The following FLT1 variants were observed in gnomAD, a reference collection of about 807,000 sequenced individuals.
FLT1 encodes vascular endothelial growth factor receptor 1.
In FLT1, 49 loss-of-function variants were observed where a neutral mutation model predicts 156.3. The observed-to-expected ratio is 0.31, with a 90% confidence interval of 0.25 to 0.40. The LOEUF (loss-of-function observed/expected upper bound fraction) is 0.40. Among genes scored for constraint, FLT1 ranks in the 10% least tolerant of loss-of-function variants. The pLI, the probability that FLT1 is intolerant of heterozygous loss-of-function variation, is 1.00. For missense variants in FLT1, 1,322 were observed against 1,637.2 expected, an observed-to-expected ratio of 0.81 and a Z score of 3.32; for synonymous variants, 594 against 583.8, an observed-to-expected ratio of 1.02 and a Z score of -0.25.
intron 19 of FLT1, among the ~76,000 whole-genome samples, chr13:28,328,034 T>A (rs775874740): frequency 1.9e-4 from 29 of 152,110 alleles, no homozygotes; most frequent in African/African-American, 7.0e-4. Flanking sequence ...TGCCAGAGGA[T>A]CTACAGTAGG....
chr13:28,455,975 G>C lies in FLT1; in HGVS notation c.388+10928C>G, dbSNP rs116705831. 3.6e-3 allele frequency among the ~76,000 whole-genome samples: 550 copies of C among 152,330 alleles called. 3 individuals are homozygous for C. The highest frequency in any genetic ancestry group is 0.013 in the African/African-American group (533 of 41,574). On this transcript the variant is annotated intron_variant, in intron 3 of 29. Transcript: ENST00000282397. ...ATCCAGAACACTGCCAACAGCAAAT[G>C]TTGGCAAGGAGGCAGAGTGATAGGA...
At chr13:28,305,489 G>A (rs1870705808) in intron 29 of FLT1, among the ~76,000 whole-genome samples, 1 of 152,158 alleles carries the variant, frequency 6.6e-6, no homozygotes, top group African/African-American at 2.4e-5. Context: ...ACTACTGCAT[G>A]AGCCACCACA....
At chr13:28,478,175 A>T (rs1880654807) in intron 1 of FLT1, among the ~76,000 whole-genome samples, 1 of 152,206 alleles carries the variant, frequency 6.6e-6, no homozygotes, top group Non-Finnish European at 1.5e-5. Context: ...TCTCTAAATT[A>T]TTTAGGATTG....
chr13:28,481,442 T>A (rs904464543), intron 1 of FLT1, among the ~76,000 whole-genome samples: 2 of 142,568 alleles, frequency 1.4e-5, no homozygotes, highest in Admixed American at 7.0e-5. Flanking sequence ...CCTCCGCTTA[T>A]ACACACACAC....
chr13:28,428,626 G>A (rs1877492113), intron 8 of FLT1, among the ~76,000 whole-genome samples: 1 of 152,198 alleles, frequency 6.6e-6, no homozygotes, highest in Non-Finnish European at 1.5e-5. Context: ...GCAGGCTGCT[G>A]CAAATGTGAC....
Position 28,322,972 on chromosome 13 carries a change from G to A in FLT1, c.2797-26C>T. The A allele has an allele frequency of 1.9e-6, 3 of 1,613,940 alleles. No individual in the cohort carries two copies. The South Asian group carries it at 3.3e-5, about 18-fold the overall frequency. ...CTTTGAAGAGACCGAAAAGGACCCAGGTGAAAAGGAGCTCCAGCACAGCAG... is the reference window on the plus strand; with the variant it reads ...CTTTGAAGAGACCGAAAAGGACCCAAGTGAAAAGGAGCTCCAGCACAGCAG... On this transcript the variant is annotated intron_variant, in intron 20 of 29. Transcript: ENST00000282397. The surrounding 1 kb of genome is among the most constrained non-coding windows in gnomAD (Gnocchi z 4.3).
At chr13:28,445,401 A>C (rs1173311994) in intron 3 of FLT1, among the ~76,000 whole-genome samples, 2 of 152,142 alleles carry the variant, frequency 1.3e-5, no homozygotes, top group Non-Finnish European at 2.9e-5. Flanking sequence ...GCTTGAACCC[A>C]GGTGGCAGAG....
chr13:28,396,096 T>A (rs1239920260), intron 12 of FLT1, among the ~76,000 whole-genome samples: 2 of 152,234 alleles, frequency 1.3e-5, no homozygotes, highest in African/African-American at 4.8e-5. Flanking sequence ...TCTATGAGAA[T>A]CTACTCAGGG....
chr13:28,377,988 A>G (rs945171687), intron 14 of FLT1, among the ~76,000 whole-genome samples: 1 of 152,146 alleles, frequency 6.6e-6, no homozygotes, highest in Non-Finnish European at 1.5e-5. Context: ...TGTGATTTTA[A>G]TATGCTTTTA....
chr13:28,304,413 AG>A, intron 29 of FLT1, among the ~76,000 whole-genome samples: 1 of 151,962 alleles, frequency 6.6e-6, no homozygotes, highest in Non-Finnish European at 1.5e-5. Context: ...GTGGCCGATG[AG>A]TTGTGCTAAC....
At chr13:28,437,001 C>G (rs1878063302) in intron 4 of FLT1, among the ~76,000 whole-genome samples, 2 of 152,150 alleles carry the variant, frequency 1.3e-5, no homozygotes, top group African/African-American at 2.4e-5. Context: ...ACTTGTCTTC[C>G]TCCTATATGA....
At chr13:28,408,247 A>AG (rs1158924670) in intron 10 of FLT1, among the ~76,000 whole-genome samples, 1 of 152,232 alleles carries the variant, frequency 6.6e-6, no homozygotes, top group African/African-American at 2.4e-5. Context: ...AGGGAAATAC[A>AG]GTCTGCTATC....
Position 28,315,563 on chromosome 13 carries a change from C to A in FLT1, c.3386+1935G>T, listed in dbSNP as rs866319272. Reference sequence around the variant, plus strand: ...AGAGCGAGACACTATCTCAAAAAAACAAACAAAAAAACCCAACTAAACTAA... The same window carrying A: ...AGAGCGAGACACTATCTCAAAAAAAAAAACAAAAAAACCCAACTAAACTAA... On this transcript the variant is annotated intron_variant, in intron 25 of 29. Transcript: ENST00000282397. Among the ~76,000 whole-genome samples the A allele has an allele frequency of 1.1e-4, 16 of 152,138 alleles. 1 individual carries two copies. Among genetic ancestry groups the A allele is most frequent in the Non-Finnish European group, 2.2e-4 (15 of 67,962 alleles).
intron 15 of FLT1, among the ~76,000 whole-genome samples, chr13:28,353,446 G>A (rs926970528): frequency 6.6e-6 from 1 of 151,728 alleles, no homozygotes; most frequent in African/African-American, 2.4e-5. Context: ...GGTGGCACAC[G>A]CCTGTAATCC....
intron 13 of FLT1, chr13:28,388,655 C>T (rs142062307): frequency 9.5e-7 from 1 of 1,055,994 alleles, no homozygotes; most frequent in Middle Eastern, 4.3e-4. Context: ...AGTTTTGCCG[C>T]TTCTTAATCC....
chr13:28,438,625 G>C (rs1221773165), intron 3 of FLT1, among the ~76,000 whole-genome samples: 1 of 152,186 alleles, frequency 6.6e-6, no homozygotes, highest in African/African-American at 2.4e-5. Flanking sequence ...GGACCACTGT[G>C]GGAAAAAGCC....
intron 29 of FLT1, 51 bp downstream of exon 29, chr13:28,306,627 C>T: frequency 7.9e-7 from 1 of 1,266,012 alleles, no homozygotes; most frequent in South Asian, 1.2e-5. Flanking sequence ...CCCAGCATCT[C>T]CCCTCGTACC....
chr13:28,311,808 T>C, intron 26 of FLT1, 76 bp from the exon 27 acceptor site: 1 of 1,500,178 alleles, frequency 6.7e-7, no homozygotes, highest in South Asian at 1.1e-5. Context: ...ATGTCAACTT[T>C]GACTATGTCA....
intron 1 of FLT1, among the ~76,000 whole-genome samples, chr13:28,473,818 GAAAGAAAGAAAGAAAGA>G (rs1566050852): frequency 4.0e-5 from 5 of 126,246 alleles, no homozygotes; most frequent in African/African-American, 1.0e-4. Flanking sequence ...AAGAAAGAAA[GAAAGAAAGAAAGAAAGA>G]AAGGAAGAAA....
Sources: allele counts gnomAD v4.1 joint callset (sites outside exome capture counted in the v4.1 genomes callset), GRCh38; gene constraint gnomAD v4.1.1; non-coding constraint Gnocchi (gnomAD v3.1); transcripts MANE v1.5; gene names NCBI Gene and HGNC (gene_info 2026-07-23, HGNC 2026-07-21).